BCL2L13: variants seen among roughly 807,000 people sequenced by gnomAD.
BCL2L13 encodes bcl-2-like protein 13.
BCL2L13 carries 13 observed loss-of-function variants against 25.8 expected under a neutral mutation model. That is an observed-to-expected ratio of 0.50 (90% CI 0.33 to 0.80). BCL2L13 has a LOEUF of 0.80. BCL2L13 is among the 30% of genes least tolerant of loss of function. BCL2L13 has a pLI of 0.02. For synonymous variants in BCL2L13, 244 were observed against 230.3 expected (o/e 1.06, Z -0.54); for missense variants, 504 against 574.9 (o/e 0.88, Z 1.26).
rs537616941 is a variant in BCL2L13, at chr22:17,658,989, C to T, written c.121+3157C>T. On this transcript the variant is annotated intron_variant, in intron 2 of 6. Transcript: ENST00000317582. The stretch of plus-strand genomic sequence containing the variant: ...CAGAGAATTGCTTGAACCCAGGAGG[C>T]GGAGGTTGCAGTGAGCTGGGATCGC... Among the ~76,000 whole-genome samples the T allele has an allele frequency of 8.8e-3, 942 of 106,642 alleles. 9 individuals carry two copies. The highest frequency in any genetic ancestry group is 0.015 in the Non-Finnish European group (674 of 46,006). 70.0% of individuals were successfully genotyped at this position (106,642 alleles called of 152,430 possible).
chr22:17,681,350 C>CA (rs898115459), intron 2 of BCL2L13, among the ~76,000 whole-genome samples: 1 of 151,702 alleles, frequency 6.6e-6, no homozygotes, highest in East Asian at 1.9e-4. Flanking sequence ...ACTAAAAATA[C>CA]AAAAAATTAG....
intron 6 of BCL2L13, among the ~76,000 whole-genome samples, chr22:17,717,242 T>C (rs903960111): frequency 4.0e-5 from 6 of 151,880 alleles, no homozygotes; most frequent in Non-Finnish European, 1.5e-5. Context: ...CTGAGGTGGG[T>C]GGATCACTTG....
At chr22:17,682,968 TA>T (rs1268583629) in intron 2 of BCL2L13, among the ~76,000 whole-genome samples, 1 of 152,016 alleles carries the variant, frequency 6.6e-6, no homozygotes, top group Non-Finnish European at 1.5e-5. Flanking sequence ...CTGTCTCTAC[TA>T]AAAATACAAA....
intron 2 of BCL2L13, among the ~76,000 whole-genome samples, chr22:17,657,392 A>G (rs561227360): frequency 2.3e-4 from 35 of 152,272 alleles, no homozygotes; most frequent in African/African-American, 7.2e-4. Flanking sequence ...TTGTGCTACA[A>G]TCAATTGCAC....
intron 2 of BCL2L13, among the ~76,000 whole-genome samples, chr22:17,674,870 A>G (rs866355272): frequency 9.4e-5 from 8 of 85,280 alleles, no homozygotes; most frequent in South Asian, 3.6e-4. Context: ...CTTACCACAT[A>G]TAATTTAATG....
chr22:17,642,487 T>C (rs1313170901), intron 1 of BCL2L13, among the ~76,000 whole-genome samples: 6 of 152,018 alleles, frequency 3.9e-5, no homozygotes, highest in Non-Finnish European at 8.8e-5. Context: ...TAGCATAATG[T>C]TTTCAGAGTT....
intron 6 of BCL2L13, among the ~76,000 whole-genome samples, chr22:17,713,582 C>T (rs1054297321): frequency 5.9e-5 from 9 of 151,570 alleles, no homozygotes; most frequent in African/African-American, 1.9e-4. Flanking sequence ...CTGCCTCAGC[C>T]TCCCGAGTAG....
chr22:17,716,682 T>C (rs2060954380), intron 6 of BCL2L13, among the ~76,000 whole-genome samples: 1 of 152,234 alleles, frequency 6.6e-6, no homozygotes, highest in Non-Finnish European at 1.5e-5. Flanking sequence ...AAATATTGTA[T>C]GAGTTTGCCG....
chr22:17,711,861 C>G (rs2060772413), intron 6 of BCL2L13, among the ~76,000 whole-genome samples: 1 of 152,120 alleles, frequency 6.6e-6, no homozygotes, highest in Non-Finnish European at 1.5e-5. Flanking sequence ...TAAGGCACAT[C>G]TTTTGACATG....
Position 17,727,611 on chromosome 22 carries a change from G to A in BCL2L13, c.*77G>A, listed in dbSNP as rs1439948362. 5.1e-6 allele frequency: 8 copies of A among 1,560,536 alleles called. No individual in the cohort carries two copies. Among genetic ancestry groups the A allele is most frequent in the African/African-American group, 2.7e-5 (2 of 73,926 alleles). The stretch of plus-strand genomic sequence containing the variant: ...GCTGGAATTTGAACCTCCAGCAGCT[G>A]TCTGGACATTTGTGGAACACTCTGG... On this transcript the variant is annotated 3_prime_UTR_variant, in exon 7 of 7. Coordinates refer to ENST00000317582, the MANE Select transcript of BCL2L13 (RefSeq NM_015367.4).
In BCL2L13 at chr22:17,666,291, G is replaced by A. The variant is rs564623145; in HGVS notation, c.121+10459G>A. Reference sequence around the variant, plus strand: ...ACATAAGATGTTTTAATACAGGCATGCAATGACAAATAAACACATCATAGG... The same window carrying A: ...ACATAAGATGTTTTAATACAGGCATACAATGACAAATAAACACATCATAGG... On this transcript the variant is annotated intron_variant, in intron 2 of 6. Transcript: ENST00000317582. Among the ~76,000 whole-genome samples the A allele has an allele frequency of 1.6e-4, 24 of 152,008 alleles. No homozygotes were observed. The South Asian group carries it at 4.8e-3, about 30-fold the overall frequency.
At chr22:17,631,255 C>A (rs924240933) in intron 1 of BCL2L13, among the ~76,000 whole-genome samples, 1 of 151,838 alleles carries the variant, frequency 6.6e-6, no homozygotes, top group Non-Finnish European at 1.5e-5. Context: ...CGCCACCACG[C>A]CCCGCTAATT....
chr22:17,652,211 A>T (rs2058711268), intron 1 of BCL2L13, among the ~76,000 whole-genome samples: 1 of 151,826 alleles, frequency 6.6e-6, no homozygotes, highest in Admixed American at 6.6e-5. Flanking sequence ...ATTTTTTTTA[A>T]ATTTTTTGTA....
At chr22:17,695,293 T>G (rs1178523290) in intron 4 of BCL2L13, among the ~76,000 whole-genome samples, 1 of 152,132 alleles carries the variant, frequency 6.6e-6, no homozygotes. Context: ...GACCAAAATA[T>G]TCATGCCAAT....
chr22:17,644,298 G>T (rs1416115837), intron 1 of BCL2L13, among the ~76,000 whole-genome samples: 1 of 148,274 alleles, frequency 6.7e-6, no homozygotes, highest in Non-Finnish European at 1.5e-5. Flanking sequence ...GATTATAGTT[G>T]TGTTCAACTC....
intron 6 of BCL2L13, among the ~76,000 whole-genome samples, chr22:17,722,381 G>GCA: frequency 9.0e-6 from 1 of 110,858 alleles, no homozygotes; most frequent in Non-Finnish European, 1.7e-5. Flanking sequence ...CTACAGGGGT[G>GCA]TGTGTGTGTG....
At chr22:17,691,609 G>A (rs1347370105) in intron 4 of BCL2L13, among the ~76,000 whole-genome samples, 1 of 151,972 alleles carries the variant, frequency 6.6e-6, no homozygotes, top group Non-Finnish European at 1.5e-5. Context: ...TTGCACCACT[G>A]CACTCCAGCC....
rs2060935751 is a variant in BCL2L13 at position 17,715,990 on chromosome 22, G to A, written c.601-10687G>A. Among the ~76,000 whole-genome samples, 4 of 152,334 alleles carry A rather than the reference G, an allele frequency of 2.6e-5. No individual in the cohort carries two copies. In the South Asian group the frequency reaches 8.3e-4, roughly 32 times the overall value. ...TTTATTGAGCATTACTGTTTGCTCA[G>A]CATATGTTAGGCATTACCTGGGGGA... is the stretch of plus-strand genomic sequence containing the variant. On this transcript the variant is annotated intron_variant, in intron 6 of 6. Coordinates refer to ENST00000317582, the MANE Select transcript of BCL2L13 (RefSeq NM_015367.4).
At chr22:17,646,888 T>G (rs1054930535) in intron 1 of BCL2L13, among the ~76,000 whole-genome samples, 1 of 89,922 alleles carries the variant, frequency 1.1e-5, no homozygotes, top group Non-Finnish European at 2.0e-5. Flanking sequence ...CCCAGCTAAT[T>G]TGTGTGTGTG....
Sources: allele counts gnomAD v4.1 joint callset (sites outside exome capture counted in the v4.1 genomes callset), GRCh38; gene constraint gnomAD v4.1.1; transcripts MANE v1.5; gene names NCBI Gene and HGNC (gene_info 2026-07-23, HGNC 2026-07-21).